The following ABCD3 variants were observed in gnomAD, a reference collection of about 807,000 sequenced individuals.
ABCD3 encodes the protein ATP-binding cassette sub-family D member 3.
A neutral mutation model predicts 105.5 loss-of-function variants in ABCD3; 41 were observed. That is an observed-to-expected ratio of 0.39 (90% CI 0.30 to 0.50). The LOEUF (loss-of-function observed/expected upper bound fraction) is 0.50. ABCD3 is among the 20% of genes least tolerant of loss of function. The pLI is 0.84. For missense variants in ABCD3, 622 were observed against 806.3 expected (o/e 0.77, Z 2.77); for synonymous variants, 258 against 269.0 (o/e 0.96, Z 0.40).
chr1:94,459,946 T>C (rs2100964356), intron 2 of ABCD3, among the ~76,000 whole-genome samples: 1 of 152,328 alleles, frequency 6.6e-6, no homozygotes, highest in South Asian at 2.1e-4. Context: ...TTGCATTCCT[T>C]TTTATTGCTG....
chr1:94,465,865 A>G (rs559425538), intron 3 of ABCD3, among the ~76,000 whole-genome samples: 3 of 152,306 alleles, frequency 2.0e-5, no homozygotes, highest in African/African-American at 7.2e-5. Flanking sequence ...TGTAACTAGA[A>G]GTATCATTAC....
chr1:94,484,990 T>G (rs766405049), intron 10 of ABCD3, among the ~76,000 whole-genome samples: 2 of 152,200 alleles, frequency 1.3e-5, no homozygotes, highest in African/African-American at 2.4e-5. Flanking sequence ...ACACAGTGTC[T>G]TGCAACTATT....
chr1:94,454,565 A>T, intron 1 of ABCD3, among the ~76,000 whole-genome samples: 1 of 152,136 alleles, frequency 6.6e-6, no homozygotes, highest in East Asian at 1.9e-4. Flanking sequence ...TTGTGGTTTG[A>T]CTGAGGTGGT....
At chr1:94,409,064 A>G in the ABCD3 span, among the ~76,000 whole-genome samples, 1 of 151,866 alleles carries the variant, frequency 6.6e-6, no homozygotes, top group African/African-American at 2.4e-5. Context: ...ACTGAATCAT[A>G]TATCATCTGG....
At chr1:94,506,860 A>C (rs1196928275) in intron 21 of ABCD3, among the ~76,000 whole-genome samples, 1 of 151,988 alleles carries the variant, frequency 6.6e-6, no homozygotes, top group Non-Finnish European at 1.5e-5. Context: ...AAATAGATTT[A>C]AATATGTTGT....
rs771788170 is a variant in ABCD3 at position 94,517,530 on chromosome 1, T to C, written c.*401T>C. ...TAAAACTGGGTCATCATTTGTCCTG[T>C]TCTAGCAAGATAGTCTTCAGTTTCA... On this transcript the variant is annotated 3_prime_UTR_variant, in exon 23 of 23. Coordinates refer to ENST00000370214, the MANE Select transcript of ABCD3 (RefSeq NM_002858.4). The C allele has an allele frequency of 4.1e-5, 9 of 219,522 alleles. No individual in the cohort carries two copies. Among genetic ancestry groups the C allele is most frequent in the South Asian group, 3.9e-4 (6 of 15,504 alleles). The allele number at this position is 219,522 out of a possible 1,614,324, so 13.6% of individuals were successfully genotyped here. A position where few individuals can be genotyped will look rare whatever the true frequency, so the allele number is the denominator to read the frequency against.
chr1:94,488,680 A>C (rs1033755627), intron 13 of ABCD3, among the ~76,000 whole-genome samples: 3 of 152,064 alleles, frequency 2.0e-5, no homozygotes, highest in African/African-American at 4.8e-5. Context: ...GTCTTCATGC[A>C]ATATAGAAGT....
At position 94,453,791 on chromosome 1, in the gene ABCD3, G is replaced by A. The variant is rs141381531; in HGVS notation, c.111-4816G>A. Among the ~76,000 whole-genome samples the A allele has an allele frequency of 3.6e-3, 527 of 147,218 alleles. 3 individuals are homozygous for A. The highest frequency in any genetic ancestry group is 0.012 in the African/African-American group (485 of 39,896). On this transcript the variant is annotated intron_variant, in intron 1 of 22. Coordinates refer to ENST00000370214, the MANE Select transcript of ABCD3 (RefSeq NM_002858.4). The stretch of plus-strand genomic sequence containing the variant: ...ACTCCTTTTAAAATCAGATTGTCTC[G>A]TGATTTATTTTCCAAAGAATCAACT...
rs1032966542 is a variant in ABCD3, at chr1:94,453,073, T to A, written c.111-5534T>A. Among the ~76,000 whole-genome samples the A allele has an allele frequency of 3.3e-5, 5 of 151,952 alleles. No individual in the cohort carries two copies. The South Asian group carries it at 8.3e-4, about 25-fold the overall frequency. ...AGTGCAGGTGTGAGCCCGCCCAAGTTTGGGTGTCAGTGTTTTACTTGCAGC... is the reference window on the plus strand; with the variant it reads ...AGTGCAGGTGTGAGCCCGCCCAAGTATGGGTGTCAGTGTTTTACTTGCAGC... On this transcript the variant is annotated intron_variant, in intron 1 of 22. Transcript: ENST00000370214.
rs777861735 is a variant in ABCD3, at chr1:94,478,284, T to A, written c.653T>A (p.Ile218Asn). ...CCATTTTTAGACATAGTTTTGTATA[T>A]CTTTAAGTTAACGAGTGCAATTGGA... is the stretch of plus-strand genomic sequence containing the variant. ...SKPFLDIVLYIFKLTSAIGAQ... is the reference protein window; with the variant it reads ...SKPFLDIVLYNFKLTSAIGAQ... The change falls in exon 8 of 23, where the codon ATC (isoleucine) becomes AAC (asparagine). Residue 218 changes from isoleucine to asparagine, a missense_variant. This residue lies in a region of ABCD3 where 245 missense variants were observed against 356.4 expected (regional missense o/e 0.69). Transcript: ENST00000370214. The A allele has an allele frequency of 2.5e-6, 4 of 1,602,458 alleles. No individual in the cohort carries two copies. The highest frequency in any genetic ancestry group is 2.7e-5 in the African/African-American group (2 of 74,648).
intron 2 of ABCD3, among the ~76,000 whole-genome samples, chr1:94,462,676 ATTGT>A (rs1315463669): frequency 2.0e-5 from 3 of 152,068 alleles, no homozygotes; most frequent in Admixed American, 6.6e-5. Flanking sequence ...AACTTTCCTC[ATTGT>A]TTGTCTTAGA....
chr1:94,407,923 T>G, the ABCD3 span, among the ~76,000 whole-genome samples: 24 of 152,388 alleles, frequency 1.6e-4, no homozygotes, highest in African/African-American at 5.3e-4. Flanking sequence ...AAAGTGTTAT[T>G]GGAACACAGC....
chr1:94,397,858 T>C, the ABCD3 span, among the ~76,000 whole-genome samples: 1 of 152,310 alleles, frequency 6.6e-6, no homozygotes, highest in South Asian at 2.1e-4. Flanking sequence ...GAAAATATTT[T>C]GAGGCTATGC....
At chr1:94,497,161 C>T (rs1455866450) in intron 16 of ABCD3, among the ~76,000 whole-genome samples, 3 of 152,096 alleles carry the variant, frequency 2.0e-5, no homozygotes, top group Admixed American at 1.3e-4. Context: ...CTGTTTTTTC[C>T]TCCAAAGTAC....
chr1:94,474,891 A>G (rs908555426), intron 5 of ABCD3, among the ~76,000 whole-genome samples: 3 of 152,126 alleles, frequency 2.0e-5, no homozygotes, highest in Admixed American at 2.0e-4. Flanking sequence ...TTTACCAAAA[A>G]AAATGGGCAA....
the ABCD3 span, among the ~76,000 whole-genome samples, chr1:94,392,854 CTGTAATCCCTGCA>C: frequency 6.6e-6 from 1 of 152,156 alleles, no homozygotes; most frequent in Non-Finnish European, 1.5e-5. Context: ...TGGCTCATGC[CTGTAATCCCTGCA>C]CTTTGGGAGG....
intron 5 of ABCD3, 105 bp downstream of exon 5, chr1:94,473,940 G>A: frequency 1.2e-6 from 1 of 839,448 alleles, no homozygotes; most frequent in African/African-American, 1.8e-5. Context: ...ATGATACTAA[G>A]TTCCTATTTT....
intron 1 of ABCD3, among the ~76,000 whole-genome samples, chr1:94,445,863 C>T (rs980801231): frequency 2.0e-5 from 3 of 152,130 alleles, no homozygotes; most frequent in African/African-American, 4.8e-5. Flanking sequence ...CCAGGCTGCT[C>T]TGCGACCTAT....
intron 16 of ABCD3, among the ~76,000 whole-genome samples, chr1:94,497,253 A>C (rs11810683): frequency 0.026 from 4,018 of 152,238 alleles, 182 homozygotes; most frequent in African/African-American, 0.092. Context: ...GTAAACCAGT[A>C]AGGGTAGAGG....
Sources: gnomAD v4.1 joint callset for allele counts (sites outside exome capture counted in the v4.1 genomes callset) on GRCh38, gnomAD v4.1.1 for gene constraint, gnomAD v4.1.1 regional missense constraint, MANE v1.5 for transcripts, NCBI Gene and HGNC (gene_info 2026-07-23, HGNC 2026-07-21) for gene names.